OR2Z1: variants seen among roughly 807,000 people sequenced by gnomAD.
OR2Z1 encodes olfactory receptor family 2 subfamily Z member 1.
For missense variants in OR2Z1, 449 were observed against 401.8 expected (o/e 1.12, Z -1.00); for synonymous variants, 188 against 160.6 (o/e 1.17, Z -1.29).
At position 8,731,495 on chromosome 19, in the gene OR2Z1, C is replaced by T; in HGVS notation, c.467C>T (p.Ala156Val). The change falls in exon 3 of 3, where the codon GCC (alanine) becomes GTC (valine). Residue 156 changes from alanine (A) to valine (V), a missense_variant. Ala to Val is a moderately conservative substitution (Grantham distance 64, BLOSUM62 0). Coordinates refer to ENST00000641125, the MANE Select transcript of OR2Z1 (RefSeq NM_001004699.3). ...GSSWVVGVLN[A>V]SIQTSITLHF... ...TCCTGGGTGGTAGGTGTGCTCAACG[C>T]CTCCATCCAGACCTCCATCACCCTG... is the stretch of plus-strand genomic sequence containing the variant. 2 of 1,614,070 alleles carry T rather than the reference C, an allele frequency of 1.2e-6. No individual in the cohort carries two copies. Among genetic ancestry groups the T allele is most frequent in the Non-Finnish European group, 1.7e-6 (2 of 1,180,004 alleles).
rs2043354195 is a variant in OR2Z1 at position 8,731,409 on chromosome 19, C to A, written c.381C>A (p.Cys127Ter). ...CTTATGACCGTTATGTTGCTGTGTG[C>A]CAGCCCCTGCAGTATCCTGTACTTA... ...LMSYDRYVAV[C>*]QPLQYPVLMR... Residue 127 changes from cysteine (C) to a stop codon, truncating the protein, a stop_gained, in exon 3 of 3, where the codon TGC becomes TGA. Coordinates refer to ENST00000641125, the MANE Select transcript of OR2Z1 (RefSeq NM_001004699.3). LOFTEE classifies it low-confidence loss of function (END_TRUNC). 6.2e-7 allele frequency: 1 copy of A among 1,614,082 alleles called. No homozygotes were observed.
rs2043350485 is a variant in OR2Z1 at position 8,731,045 on chromosome 19, A to T, written c.17A>T (p.Gln6Leu). 6.2e-7 allele frequency: 1 copy of T among 1,614,046 alleles called. No homozygotes were observed. ...GTGTAAAACATGGGGGATGTGAATC[A>T]GTCGGTGGCCTCAGACTTCATTCTG... is the stretch of plus-strand genomic sequence containing the variant. MGDVN[Q>L]SVASDFILVG... The change falls in exon 3 of 3, where the codon CAG becomes CTG. Residue 6 changes from glutamine (Q) to leucine (L), a missense_variant. Coordinates refer to ENST00000641125, the MANE Select transcript of OR2Z1 (RefSeq NM_001004699.3).
intron 2 of OR2Z1, among the ~76,000 whole-genome samples, chr19:8,730,610 AG>A (rs2043347852): frequency 6.6e-6 from 1 of 151,956 alleles, no homozygotes; most frequent in African/African-American, 2.4e-5. Flanking sequence ...AGTAGAGACG[AG>A]GTTTCACCAT....
Position 8,730,608 on chromosome 19 carries a change from C to A in OR2Z1, c.-169-252C>A, listed in dbSNP as rs145090439. Among the ~76,000 whole-genome samples the A allele has an allele frequency of 5.6e-4, 85 of 152,068 alleles. 1 individual carries two copies. The East Asian group carries it at 0.015, about 27-fold the overall frequency. ...CTGATTTTTGTACTTTTAGTAGAGA[C>A]GAGGTTTCACCATATTGGTCAGGCT... On this transcript the variant is annotated intron_variant, in intron 2 of 2. Coordinates refer to ENST00000641125, the MANE Select transcript of OR2Z1 (RefSeq NM_001004699.3).
In OR2Z1 at chr19:8,731,692, T is replaced by A; in HGVS notation, c.664T>A (p.Leu222Met). The change falls in exon 3 of 3, where the codon TTG (leucine) becomes ATG (methionine). Residue 222 changes from leucine to methionine, a missense_variant. Leu to Met is a conservative substitution (Grantham distance 15). Transcript: ENST00000641125. The part of the protein sequence containing the change: ...SLIATSYGHV[L>M]QAVLSMRSEE... ...CATCGCCACCTCCTACGGCCACGTG[T>A]TGCAGGCTGTTCTAAGCATGCGCTC... 6.2e-7 allele frequency: 1 copy of A among 1,614,120 alleles called. No individual in the cohort carries two copies. The highest frequency in any genetic ancestry group is 8.5e-7 in the Non-Finnish European group (1 of 1,180,040).
At chr19:8,727,790 C>T (rs180846455) in intron 2 of OR2Z1, among the ~76,000 whole-genome samples, 23 of 152,264 alleles carry the variant, frequency 1.5e-4, no homozygotes, top group Admixed American at 1.4e-3. Context: ...TTGCTTGAAC[C>T]GGGGAGGCGG....
At chr19:8,724,324 C>G (rs1467935326) in intron 2 of OR2Z1, among the ~76,000 whole-genome samples, 2 of 152,076 alleles carry the variant, frequency 1.3e-5, no homozygotes, top group African/African-American at 4.8e-5. Context: ...CAGCTTCCAC[C>G]TCCTGGGCTC....
At chr19:8,723,968 TTGTGTG>T (rs55655760) in intron 2 of OR2Z1, among the ~76,000 whole-genome samples, 13,432 of 132,674 alleles carry the variant, frequency 0.1, 746 homozygotes, top group African/African-American at 0.2. Flanking sequence ...GGGAGTCTGT[TTGTGTG>T]TGTGTGTGTG....
chr19:8,731,978 A>G lies in OR2Z1; in HGVS notation c.*5A>G, dbSNP rs1555756902. 4.4e-6 allele frequency: 7 copies of G among 1,603,624 alleles called. No individual in the cohort carries two copies. Among genetic ancestry groups the G allele is most frequent in the South Asian group, 2.2e-5 (2 of 90,350 alleles). On this transcript the variant is annotated 3_prime_UTR_variant, in exon 3 of 3. Transcript: ENST00000641125. ...GGACTCAGGCAAATGTGCTGACTAC[A>G]TAGAAACTGCTGGTGAGATTCCAGC...
In OR2Z1 at chr19:8,731,048, C is replaced by T. The variant is rs782308012; in HGVS notation, c.20C>T (p.Ser7Leu). The stretch of plus-strand genomic sequence containing the variant: ...TAAAACATGGGGGATGTGAATCAGT[C>T]GGTGGCCTCAGACTTCATTCTGGTG... MGDVNQ[S>L]VASDFILVGL... Residue 7 changes from serine (S) to leucine (L), a missense_variant, in exon 3 of 3, where the codon TCG becomes TTG. By Grantham distance (145) the Ser-to-Leu change is moderately radical. Coordinates refer to ENST00000641125, the MANE Select transcript of OR2Z1 (RefSeq NM_001004699.3). 111 of 1,613,918 alleles carry T rather than the reference C, an allele frequency of 6.9e-5. 1 individual carries two copies. The South Asian group carries it at 1.0e-3, about 15-fold the overall frequency.
chr19:8,732,050 A>G lies in OR2Z1; in HGVS notation c.*77A>G. ...TCCCAAAGTATGCATTTGGCATTCA[A>G]TTGCCAATTTGTGCAACTGGCCAAA... On this transcript the variant is annotated 3_prime_UTR_variant, in exon 3 of 3. Coordinates refer to ENST00000641125, the MANE Select transcript of OR2Z1 (RefSeq NM_001004699.3). The G allele has an allele frequency of 1.7e-6, 2 of 1,178,658 alleles. No homozygotes were observed. The highest frequency in any genetic ancestry group is 1.5e-5 in the South Asian group (1 of 67,520). The allele number at this position is 1,178,658 out of a possible 1,614,324, so 73.0% of individuals were successfully genotyped here. A position where few individuals can be genotyped will look rare whatever the true frequency, so the allele number is the denominator to read the frequency against.
chr19:8,731,888 C>G lies in OR2Z1; in HGVS notation c.860C>G (p.Pro287Arg), dbSNP rs782674264. ...AGCCTTGTCACCCCTACACTCAACC[C>G]CCTTATCTACAGTCTGAGGAATCCG... Reference protein sequence around the residue: ...FYSLVTPTLNPLIYSLRNPEV... With the variant: ...FYSLVTPTLNRLIYSLRNPEV... The change falls in exon 3 of 3, where the codon CCC becomes CGC. Residue 287 changes from proline to arginine, a missense_variant. Transcript: ENST00000641125. 1.2e-6 allele frequency: 2 copies of G among 1,614,190 alleles called. No individual in the cohort carries two copies. Among genetic ancestry groups the G allele is most frequent in the Non-Finnish European group, 1.7e-6 (2 of 1,180,020 alleles).
chr19:8,728,615 T>C lies in OR2Z1; in HGVS notation c.-169-2245T>C, dbSNP rs548893572. The C allele has an allele frequency of 1.2e-5, 5 of 426,536 alleles. No homozygotes were observed. The Admixed American group carries it at 1.5e-4, about 13-fold the overall frequency. 26.4% of individuals were successfully genotyped at this position (426,536 alleles called of 1,614,324 possible). A position where few individuals can be genotyped will look rare whatever the true frequency, so the allele number is the denominator to read the frequency against. ...TGTGTTACATGGATATATTGCATGA[T>C]GCTGATTTGGGTTTCAATTGAAACT... On this transcript the variant is annotated intron_variant, in intron 2 of 2. Coordinates refer to ENST00000641125, the MANE Select transcript of OR2Z1 (RefSeq NM_001004699.3).
chr19:8,729,301 G>A (rs114048968), intron 2 of OR2Z1: 513,934 of 515,010 alleles, frequency 1, 256,442 homozygotes, highest in East Asian at 1. Context: ...TGCGTACCCA[G>A]TGATTAGCTT....
At chr19:8,728,188 T>C (rs2043335555) in intron 2 of OR2Z1, among the ~76,000 whole-genome samples, 1 of 152,134 alleles carries the variant, frequency 6.6e-6, no homozygotes, top group Admixed American at 6.5e-5. Flanking sequence ...ATTGCTGGAG[T>C]TGTGGGCACT....
chr19:8,723,980 G>GTGTGTGTGTGTGTGTGTA (rs2043316996), intron 2 of OR2Z1, among the ~76,000 whole-genome samples: 3 of 140,054 alleles, frequency 2.1e-5, no homozygotes, highest in Admixed American at 6.9e-5. Context: ...GTGTGTGTGT[G>GTGTGTGTGTGTGTGTGTA]TGTGTGTGTG....
intron 2 of OR2Z1, among the ~76,000 whole-genome samples, chr19:8,724,528 G>A (rs1225956723): frequency 6.6e-6 from 1 of 152,094 alleles, no homozygotes; most frequent in Non-Finnish European, 1.5e-5. Flanking sequence ...CAGCCTAATA[G>A]TGTGGTTATT....
rs200344754 is a variant in OR2Z1, at chr19:8,727,223, C to G, written c.-169-3637C>G. Among the ~76,000 whole-genome samples, 5 of 152,244 alleles carry G rather than the reference C, an allele frequency of 3.3e-5. No individual in the cohort carries two copies. In the East Asian group the frequency reaches 9.6e-4, roughly 29 times the overall value. Reference sequence around the variant, plus strand: ...CCTCCCAAAGTGCTGGGATTACAGACGTGAGTCAGTGCAGCCGGCCTCCAT... The same window carrying G: ...CCTCCCAAAGTGCTGGGATTACAGAGGTGAGTCAGTGCAGCCGGCCTCCAT... On this transcript the variant is annotated intron_variant, in intron 2 of 2. Coordinates refer to ENST00000641125, the MANE Select transcript of OR2Z1 (RefSeq NM_001004699.3).
In OR2Z1 at chr19:8,724,812, C is replaced by T. The variant is rs2043321352; in HGVS notation, c.-170+1662C>T. Among the ~76,000 whole-genome samples the T allele has an allele frequency of 1.3e-5, 2 of 152,024 alleles. 1 individual carries two copies. The highest frequency in any genetic ancestry group is 4.2e-4 in the South Asian group (2 of 4,818). On this transcript the variant is annotated intron_variant, in intron 2 of 2. Transcript: ENST00000641125. The stretch of plus-strand genomic sequence containing the variant: ...ATAGGCTTAGAGGAGCTGCCCAGCT[C>T]TCAGAAAGCTCTCCTTGCTTCCAAA...
Sources: allele counts gnomAD v4.1 joint callset (sites outside exome capture counted in the v4.1 genomes callset), GRCh38; gene constraint gnomAD v4.1.1; transcripts MANE v1.5; gene names NCBI Gene and HGNC (gene_info 2026-07-23, HGNC 2026-07-21).